TEAD2: variants seen among roughly 807,000 people sequenced by gnomAD.
TEAD2 encodes TEA domain transcription factor 2.
In TEAD2, 51 loss-of-function variants were observed where a neutral mutation model predicts 61.4. The observed-to-expected ratio is 0.83, with a 90% CI of 0.66 to 1.05. TEAD2 has a LOEUF of 1.05. Among genes scored for constraint, TEAD2 ranks in the 50% least tolerant of loss-of-function variants. TEAD2 has a pLI of 0.00. For synonymous variants in TEAD2, 244 were observed against 243.2 expected, an observed-to-expected ratio of 1.00 and a Z score of -0.03; for missense variants, 509 against 600.0, an observed-to-expected ratio of 0.85 and a Z score of 1.58.
chr19:49,342,385 G>A (rs1414565330), intron 12 of TEAD2, 53 bp downstream of exon 12: 4 of 1,596,296 alleles, frequency 2.5e-6, no homozygotes, highest in Non-Finnish European at 3.4e-6. Context: ...TCTGTTATAG[G>A]TACTGTCCCT....
rs1971257249 is a variant in TEAD2 at position 49,341,502 on chromosome 19, C to G, written c.1243-65G>C. 1 of 1,335,822 alleles carries G rather than the reference C, an allele frequency of 7.5e-7. No individual in the cohort carries two copies. Among genetic ancestry groups the G allele is most frequent in the Non-Finnish European group, 1.1e-6 (1 of 936,510 alleles). The allele number at this position is 1,335,822 out of a possible 1,614,324, so 82.7% of individuals were successfully genotyped here. A position where few individuals can be genotyped will look rare whatever the true frequency, so the allele number is the denominator to read the frequency against. The stretch of plus-strand genomic sequence containing the variant: ...GGAGGGCAGGGACCCCTGTGCCCCC[C>G]TGCCAAGCTATCATGGAATACCCAG... On this transcript the variant is annotated intron_variant, in intron 12 of 12. Transcript: ENST00000593945. The surrounding 1 kb of genome is among the most constrained non-coding windows in gnomAD (Gnocchi z 4.2).
chr19:49,347,397 G>A, intron 9 of TEAD2, 34 bp from the exon 10 acceptor site: 1 of 1,594,680 alleles, frequency 6.3e-7, no homozygotes, highest in Non-Finnish European at 8.5e-7. Flanking sequence ...AGAAGTCGGA[G>A]GTGAGCTGGA....
rs760930278 is a variant in TEAD2, at chr19:49,355,977, G to A, written c.361-7C>T. On this transcript the variant is annotated splice_polypyrimidine_tract_variant and splice_region_variant and intron_variant, in intron 4 of 12. Coordinates refer to ENST00000593945, the MANE Select transcript of TEAD2 (RefSeq NM_001256660.2). ...AACTTACCACGTTCAGAGCCTGCCC[G>A]TGGGGGTGGGGGAGGGTGCCAAAGG... 90 of 1,253,484 alleles carry A rather than the reference G, an allele frequency of 7.2e-5. No homozygotes were observed. The highest frequency in any genetic ancestry group is 3.9e-5 in the Admixed American group (1 of 25,902). The allele number at this position is 1,253,484 out of a possible 1,614,324, so 77.6% of individuals were successfully genotyped here.
chr19:49,358,107 G>A (rs1010850072), intron 3 of TEAD2, among the ~76,000 whole-genome samples: 5 of 152,180 alleles, frequency 3.3e-5, no homozygotes, highest in Non-Finnish European at 5.9e-5. Context: ...GGTGGTGCGC[G>A]CCTGTAGTCC....
intron 10 of TEAD2, among the ~76,000 whole-genome samples, chr19:49,345,406 G>A (rs965958108): frequency 6.6e-6 from 1 of 151,288 alleles, no homozygotes; most frequent in Non-Finnish European, 1.5e-5. Context: ...AGGCTGGAGG[G>A]CAGTGGCACA....
chr19:49,359,247 A>G lies in TEAD2; in HGVS notation c.297+188T>C, dbSNP rs929188339. 22 of 633,442 alleles carry G rather than the reference A, an allele frequency of 3.5e-5. No homozygotes were observed. In the African/African-American group the frequency reaches 4.1e-4, roughly 12 times the overall value. The allele number at this position is 633,442 out of a possible 1,614,324, so 39.2% of individuals were successfully genotyped here. A position where few individuals can be genotyped will look rare whatever the true frequency, so the allele number is the denominator to read the frequency against. On this transcript the variant is annotated intron_variant, in intron 3 of 12. Transcript: ENST00000593945. The surrounding 1 kb of genome is among the most constrained non-coding windows in gnomAD (Gnocchi z 4.1). ...AGCTAGACTCCATTTCAAAAAATAA[A>G]CAAATACATAAATAACCCAGCCTCG...
intron 10 of TEAD2, among the ~76,000 whole-genome samples, chr19:49,346,312 G>A (rs1217691430): frequency 6.6e-6 from 1 of 152,014 alleles, no homozygotes; most frequent in Non-Finnish European, 1.5e-5. Context: ...ATAAATAGCA[G>A]CTGACACCAG....
chr19:49,341,208 G>T lies in TEAD2; in HGVS notation c.*116C>A. The stretch of plus-strand genomic sequence containing the variant: ...GATGGCCCCAGTTGCTTAGGCCTCT[G>T]AGGTCAACCCCTTTACATCACAGCC... On this transcript the variant is annotated 3_prime_UTR_variant, in exon 13 of 13. Transcript: ENST00000593945. The surrounding 1 kb of genome is among the most constrained non-coding windows in gnomAD (Gnocchi z 4.2). 1.1e-6 allele frequency: 1 copy of T among 928,910 alleles called. No individual in the cohort carries two copies. Among genetic ancestry groups the T allele is most frequent in the Non-Finnish European group, 1.7e-6 (1 of 597,856 alleles). The allele number at this position is 928,910 out of a possible 1,614,324, so 57.5% of individuals were successfully genotyped here. A position where few individuals can be genotyped will look rare whatever the true frequency, so the allele number is the denominator to read the frequency against.
intron 7 of TEAD2, among the ~76,000 whole-genome samples, chr19:49,352,311 CTTTAA>C (rs1392308841): frequency 6.6e-6 from 1 of 152,164 alleles, no homozygotes; most frequent in African/African-American, 2.4e-5. Flanking sequence ...GAAACAGAAT[CTTTAA>C]TTTTATTTAA....
Position 49,357,287 on chromosome 19 carries a change from G to A in TEAD2, c.325C>T (p.Arg109Ter), listed in dbSNP as rs1422422528. 8.1e-6 allele frequency: 13 copies of A among 1,612,284 alleles called. No homozygotes were observed. The highest frequency in any genetic ancestry group is 1.0e-5 in the Non-Finnish European group (12 of 1,179,792). ...QVSSHIQVLA[R>*]RKSREIQSKL... Reference sequence around the variant, plus strand: ...GACTGGATTTCCCTTGATTTCCTTCGGGCCAAAACCTGGATGTGACTAGAA... The same window carrying A: ...GACTGGATTTCCCTTGATTTCCTTCAGGCCAAAACCTGGATGTGACTAGAA... The change falls in exon 4 of 13, where the codon CGA becomes TGA. Residue 109 changes from arginine to a stop codon, truncating the protein, a stop_gained. Coordinates refer to ENST00000593945, the MANE Select transcript of TEAD2 (RefSeq NM_001256660.2). LOFTEE classifies it high-confidence loss of function.
intron 7 of TEAD2, among the ~76,000 whole-genome samples, chr19:49,351,666 G>A (rs1331179566): frequency 6.6e-6 from 1 of 151,926 alleles, no homozygotes; most frequent in Non-Finnish European, 1.5e-5. Flanking sequence ...ATGACATTTT[G>A]GTATCTCTCA....
At chr19:49,347,581 C>T (rs1394478213) in intron 9 of TEAD2, among the ~76,000 whole-genome samples, 1 of 152,102 alleles carries the variant, frequency 6.6e-6, no homozygotes, top group African/African-American at 2.4e-5. Flanking sequence ...CAACTCCCTG[C>T]CACAACTCCC....
chr19:49,359,966 C>G lies in TEAD2; in HGVS notation c.110G>C (p.Gly37Ala). Residue 37 changes from glycine to alanine, a missense_variant, in exon 2 of 13, where the codon GGG becomes GCG. By Grantham distance (60) the Gly-to-Ala change is moderately conservative. Coordinates refer to ENST00000593945, the MANE Select transcript of TEAD2 (RefSeq NM_001256660.2). The surrounding 1 kb of genome is among the most constrained non-coding windows in gnomAD (Gnocchi z 4.1). ...TGGSEGAGGD[G>A]GPDAEGVWSP... is the part of the protein sequence containing the mutation. Reference sequence around the variant, plus strand: ...CCACACCCCCTCTGCATCCGGGCCCCCGTCACCCCCAGCCCCCTCACTGCC... The same window carrying G: ...CCACACCCCCTCTGCATCCGGGCCCGCGTCACCCCCAGCCCCCTCACTGCC... 11 of 1,610,918 alleles carry G rather than the reference C, an allele frequency of 6.8e-6. No homozygotes were observed. Among genetic ancestry groups the G allele is most frequent in the Non-Finnish European group, 9.3e-6 (11 of 1,179,924 alleles).
intron 8 of TEAD2, among the ~76,000 whole-genome samples, chr19:49,350,985 C>T (rs568592553): frequency 1.9e-3 from 291 of 152,076 alleles, no homozygotes; most frequent in Middle Eastern, 3.4e-3. Context: ...TCGAGACCAT[C>T]CTGGTCAACA....
intron 10 of TEAD2, among the ~76,000 whole-genome samples, chr19:49,346,656 A>AAAAT (rs1392802440): frequency 1.3e-5 from 2 of 152,346 alleles, no homozygotes; most frequent in East Asian, 3.9e-4. Context: ...CTATGTCTCA[A>AAAAT]AAATAAATAA....
chr19:49,351,498 G>A (rs563269959), intron 7 of TEAD2, 133 bp from the exon 8 acceptor site: 766 of 775,742 alleles, frequency 9.9e-4, no homozygotes, highest in South Asian at 2.2e-3. Context: ...CTCACAGTGC[G>A]TGAGGTAGGT....
Position 49,347,365 on chromosome 19 carries a change from T to C in TEAD2, c.748-2A>G, listed in dbSNP as rs1568564277. On this transcript the variant is annotated splice_acceptor_variant, in intron 9 of 12. Transcript: ENST00000593945. LOFTEE classifies it high-confidence loss of function. ...GTGCACGAACAGGTGCCTCTGGTAC[T>C]GAGGAGGGTTGGCCGTGGGTGAGAA... 4.4e-6 allele frequency: 7 copies of C among 1,604,720 alleles called. No homozygotes were observed. In the South Asian group the frequency reaches 6.6e-5, roughly 15 times the overall value.
chr19:49,342,342 G>A, intron 12 of TEAD2, 96 bp downstream of exon 12: 1 of 1,498,100 alleles, frequency 6.7e-7, no homozygotes, highest in Non-Finnish European at 9.1e-7. Context: ...TGCTGTGTCA[G>A]TTCCTGGGTG....
chr19:49,360,094 A>G lies in TEAD2; in HGVS notation c.-6-13T>C, dbSNP rs779904412. 8 of 1,593,028 alleles carry G rather than the reference A, an allele frequency of 5.0e-6. No individual in the cohort carries two copies. In the African/African-American group the frequency reaches 8.0e-5, roughly 16 times the overall value. ...CCCCCATCTGGGCCTGGAGGAACAC[A>G]GAACTCAGCAAGCTTCCCCCAAACC... On this transcript the variant is annotated splice_polypyrimidine_tract_variant and intron_variant, in intron 1 of 12. Transcript: ENST00000593945.
Sources: allele counts gnomAD v4.1 joint callset (sites outside exome capture counted in the v4.1 genomes callset), GRCh38; gene constraint gnomAD v4.1.1; non-coding constraint Gnocchi (gnomAD v3.1); transcripts MANE v1.5; gene names NCBI Gene and HGNC (gene_info 2026-07-23, HGNC 2026-07-21).